LMLN: variants seen among roughly 807,000 people sequenced by gnomAD.
LMLN encodes the protein leishmanolysin-like peptidase.
In LMLN, 70 loss-of-function variants were observed where a neutral mutation model predicts 92.3. The ratio of observed to expected loss-of-function variants is 0.76; its 90% CI spans 0.63 to 0.92. The LOEUF (loss-of-function observed/expected upper bound fraction) is 0.92, where lower values mean the gene tolerates loss of function less well. Among genes scored for constraint, LMLN ranks in the 40% least tolerant of loss-of-function variants. The pLI is 0.00. For synonymous variants in LMLN, 308 were observed against 296.2 expected (o/e 1.04, Z -0.41); for missense variants, 691 against 814.6 (o/e 0.85, Z 1.85).
intron 11 of LMLN, among the ~76,000 whole-genome samples, chr3:198,011,748 A>C (rs1278272919): frequency 1.3e-5 from 2 of 151,930 alleles, no homozygotes; most frequent in Non-Finnish European, 2.9e-5. Flanking sequence ...CAACAATGTA[A>C]AAGTGTTCCT....
At chr3:197,977,656 C>G (rs1035319259) in intron 5 of LMLN, among the ~76,000 whole-genome samples, 1 of 149,094 alleles carries the variant, frequency 6.7e-6, no homozygotes, top group African/African-American at 2.5e-5. Flanking sequence ...ATATAAAAAT[C>G]ATCAAACAAT....
At chr3:197,967,815 C>G (rs1721101915) in intron 1 of LMLN, among the ~76,000 whole-genome samples, 1 of 152,136 alleles carries the variant, frequency 6.6e-6, no homozygotes, top group Non-Finnish European at 1.5e-5. Context: ...TTATAGACCT[C>G]CCCCAAGGAA....
At chr3:198,005,852 C>T (rs1344869980) in intron 11 of LMLN, among the ~76,000 whole-genome samples, 2 of 152,064 alleles carry the variant, frequency 1.3e-5, no homozygotes, top group African/African-American at 2.4e-5. Flanking sequence ...CAGGCTGGCT[C>T]ACACCTGTAA....
At chr3:198,001,686 G>C (rs1581159608) in intron 11 of LMLN, among the ~76,000 whole-genome samples, 1 of 152,192 alleles carries the variant, frequency 6.6e-6, no homozygotes, top group Non-Finnish European at 1.5e-5. Flanking sequence ...GTCTGAGTGA[G>C]AGTTTTGTTC....
chr3:197,981,134 G>A (rs796105887), intron 6 of LMLN, among the ~76,000 whole-genome samples: 7 of 151,780 alleles, frequency 4.6e-5, no homozygotes, highest in African/African-American at 9.7e-5. Context: ...ATGGCTGGGC[G>A]CGGTGGCTCA....
At chr3:197,968,230 G>A (rs1027953866) in intron 1 of LMLN, among the ~76,000 whole-genome samples, 2 of 152,114 alleles carry the variant, frequency 1.3e-5, no homozygotes. Context: ...AATTTGGGAG[G>A]CCGAGGCGGG....
intron 2 of LMLN, 40 bp downstream of exon 2, chr3:197,974,514 T>A: frequency 2.8e-6 from 3 of 1,062,484 alleles, no homozygotes; most frequent in Non-Finnish European, 2.7e-6. Context: ...TCATTATTAA[T>A]CTAAATGTTA....
chr3:198,008,401 TC>T (rs1406254126), intron 11 of LMLN, among the ~76,000 whole-genome samples: 1 of 152,210 alleles, frequency 6.6e-6, no homozygotes, highest in Non-Finnish European at 1.5e-5. Context: ...TAATGGGCTC[TC>T]CTGTCATACT....
At chr3:197,968,735 A>G (rs1293208276) in intron 1 of LMLN, among the ~76,000 whole-genome samples, 1 of 152,200 alleles carries the variant, frequency 6.6e-6, no homozygotes, top group East Asian at 1.9e-4. Context: ...GAGTTGGGAC[A>G]TGTCCCATTT....
At chr3:198,027,804 G>A (rs1311613238) in intron 14 of LMLN, among the ~76,000 whole-genome samples, 2 of 152,124 alleles carry the variant, frequency 1.3e-5, no homozygotes, top group Non-Finnish European at 2.9e-5. Flanking sequence ...GGCTATTGGA[G>A]TCTTGCTGCA....
At chr3:197,975,449 A>G (rs1274270499) in intron 3 of LMLN, among the ~76,000 whole-genome samples, 2 of 152,352 alleles carry the variant, frequency 1.3e-5, no homozygotes, top group Middle Eastern at 3.4e-3. Flanking sequence ...TAACCACATC[A>G]GATTTTTAAC....
At chr3:197,983,300 A>G (rs1376942046) in intron 6 of LMLN, among the ~76,000 whole-genome samples, 1 of 152,166 alleles carries the variant, frequency 6.6e-6, no homozygotes, top group African/African-American at 2.4e-5. Flanking sequence ...AGCTTTTGAA[A>G]GACAGGGAGG....
chr3:197,999,013 A>G (rs1178599108), intron 10 of LMLN, among the ~76,000 whole-genome samples: 1 of 152,232 alleles, frequency 6.6e-6, no homozygotes, highest in Non-Finnish European at 1.5e-5. Context: ...CATTCATCAC[A>G]GAGTTCTAAA....
chr3:198,031,919 T>C lies in LMLN; in HGVS notation c.1657-3914T>C, dbSNP rs577617565. 3.1e-3 allele frequency among the ~76,000 whole-genome samples: 474 copies of C among 151,934 alleles called. 4 individuals carry two copies. The highest frequency in any genetic ancestry group is 0.011 in the African/African-American group (441 of 41,404). On this transcript the variant is annotated intron_variant, in intron 14 of 15. Coordinates refer to ENST00000330198, the Ensembl canonical transcript of LMLN. The surrounding 1 kb of genome is among the most constrained non-coding windows in gnomAD (Gnocchi z 4.8). ...GAGTTTGAAAGCAGCCTGGCCAACA[T>C]GATGAAACCCCTCATCTACTAAAAA...
chr3:198,009,364 ATTCCT>A (rs1188600840), intron 11 of LMLN, among the ~76,000 whole-genome samples: 1 of 152,148 alleles, frequency 6.6e-6, no homozygotes, highest in African/African-American at 2.4e-5. Context: ...TAGAGTACTG[ATTCCT>A]TTATCATTTT....
chr3:198,024,516 A>T, intron 13 of LMLN, 142 bp from the exon 15 acceptor site: 1 of 720,794 alleles, frequency 1.4e-6, no homozygotes, highest in Non-Finnish European at 2.1e-6. Context: ...TGCCCAGCCT[A>T]CCCTAATTTT....
intron 11 of LMLN, among the ~76,000 whole-genome samples, chr3:198,012,238 T>A (rs1015290846): frequency 6.6e-6 from 1 of 152,098 alleles, no homozygotes; most frequent in Non-Finnish European, 1.5e-5. Flanking sequence ...CTAATTTTTT[T>A]ATTTGTAGTA....
intron 5 of LMLN, 132 bp downstream of exon 5, chr3:197,976,847 A>G (rs1721397709): frequency 2.2e-6 from 1 of 462,396 alleles, no homozygotes; most frequent in East Asian, 3.2e-5. Flanking sequence ...AACCACAGAT[A>G]TGCTGATTTT....
chr3:198,037,514 G>A (rs1723267117), intron 15 of LMLN, among the ~76,000 whole-genome samples: 1 of 152,222 alleles, frequency 6.6e-6, no homozygotes, highest in African/African-American at 2.4e-5. Flanking sequence ...GCCACATGTG[G>A]TGGTATGCAT....
Sources: allele counts gnomAD v4.1 joint callset (sites outside exome capture counted in the v4.1 genomes callset), GRCh38; gene constraint gnomAD v4.1.1; non-coding constraint Gnocchi (gnomAD v3.1); transcripts MANE v1.5; gene names NCBI Gene and HGNC (gene_info 2026-07-23, HGNC 2026-07-21).